The following MRPS27 variants were observed in gnomAD, a reference collection of about 807,000 sequenced individuals.
MRPS27 encodes small ribosomal subunit protein mS27.
A neutral mutation model predicts 48.9 loss-of-function variants in MRPS27; 43 were observed. The observed-to-expected ratio is 0.88, with a 90% confidence interval of 0.69 to 1.13. MRPS27 has a LOEUF of 1.13. Among genes scored for constraint, MRPS27 ranks in the 50% most tolerant of loss-of-function variants. The probability of loss-of-function intolerance (pLI) is 0.00; values close to 1 mark genes in which losing one functional copy is unlikely to be tolerated. For missense variants in MRPS27, 467 were observed against 476.3 expected (o/e 0.98, Z 0.18); for synonymous variants, 188 against 171.9 (o/e 1.09, Z -0.73).
intron 7 of MRPS27, among the ~76,000 whole-genome samples, chr5:72,232,047 A>G (rs1305168629): frequency 6.6e-6 from 1 of 152,172 alleles, no homozygotes; most frequent in African/African-American, 2.4e-5. Context: ...CCAAAACGGA[A>G]CTGCCCTAGA....
chr5:72,289,946 C>G (rs1436608409), intron 4 of MRPS27, among the ~76,000 whole-genome samples: 3 of 152,134 alleles, frequency 2.0e-5, no homozygotes, highest in Non-Finnish European at 4.4e-5. Flanking sequence ...TGCAAATATC[C>G]TCAGTGAAGA....
At chr5:72,262,873 C>T (rs1481723589) in intron 4 of MRPS27, among the ~76,000 whole-genome samples, 1 of 152,042 alleles carries the variant, frequency 6.6e-6, no homozygotes, top group African/African-American at 2.4e-5. Context: ...TGGGCTCAAA[C>T]GATCTTCCCG....
rs1266514581 is a variant in MRPS27 at position 72,219,466 on chromosome 5, T to G, written c.*1443A>C. 1 of 152,164 alleles carries G rather than the reference T, an allele frequency of 6.6e-6. No homozygotes were observed. Among genetic ancestry groups the G allele is most frequent in the Non-Finnish European group, 1.5e-5 (1 of 68,034 alleles). 9.4% of individuals were successfully genotyped at this position (152,164 alleles called of 1,614,324 possible). ...GTTTAAAGTACACTCCTCAAAATCA[T>G]AGTAACAATAATGAGTCCCTCTCCC... On this transcript the variant is annotated 3_prime_UTR_variant, in exon 11 of 11. Transcript: ENST00000261413.
chr5:72,263,961 A>G lies in MRPS27; in HGVS notation c.282-25833T>C, dbSNP rs142963156. On this transcript the variant is annotated intron_variant, in intron 4 of 10. Coordinates refer to ENST00000261413, the MANE Select transcript of MRPS27 (RefSeq NM_015084.3). ...GTACATGCATGTTCGTAGCAGCACT[A>G]TACACAATAGCCCAAAGATAGAAAC... is the stretch of plus-strand genomic sequence containing the variant. Among the ~76,000 whole-genome samples the G allele has an allele frequency of 4.0e-3, 602 of 152,316 alleles. 4 individuals carry two copies. The highest frequency in any genetic ancestry group is 5.9e-3 in the Non-Finnish European group (402 of 68,012).
intron 4 of MRPS27, among the ~76,000 whole-genome samples, chr5:72,238,410 T>C (rs947552614): frequency 6.6e-6 from 1 of 152,226 alleles, no homozygotes; most frequent in African/African-American, 2.4e-5. Flanking sequence ...AAAAATGATT[T>C]GGGAAAAATA....
chr5:72,308,116 A>G (rs1318094574), intron 2 of MRPS27, among the ~76,000 whole-genome samples: 1 of 152,014 alleles, frequency 6.6e-6, no homozygotes, highest in Admixed American at 6.5e-5. Flanking sequence ...CGCAGGTCCT[A>G]GACAGCTGCA....
intron 4 of MRPS27, among the ~76,000 whole-genome samples, chr5:72,264,833 A>C (rs889230989): frequency 6.6e-6 from 1 of 152,208 alleles, no homozygotes; most frequent in African/African-American, 2.4e-5. Context: ...TGAAAGAATA[A>C]ATTCTGCTGT....
At chr5:72,231,338 G>A (rs529174334) in intron 7 of MRPS27, among the ~76,000 whole-genome samples, 2 of 152,172 alleles carry the variant, frequency 1.3e-5, no homozygotes, top group African/African-American at 4.8e-5. Flanking sequence ...TCCTTCAATA[G>A]TAACCTAAGA....
intron 4 of MRPS27, chr5:72,288,877 GA>G (rs1749746901): frequency 6.6e-6 from 1 of 152,172 alleles, no homozygotes; most frequent in South Asian, 2.1e-4. Flanking sequence ...CTGCGTAAAC[GA>G]ATGCATGCTG....
chr5:72,304,469 G>A (rs1037970315), intron 2 of MRPS27, among the ~76,000 whole-genome samples: 3 of 151,998 alleles, frequency 2.0e-5, no homozygotes, highest in Middle Eastern at 3.2e-3. Flanking sequence ...ACACAGAAGA[G>A]TTGAAAATTA....
chr5:72,228,984 G>C (rs993749377), intron 7 of MRPS27: 3 of 152,198 alleles, frequency 2.0e-5, no homozygotes, highest in African/African-American at 7.2e-5. Flanking sequence ...AGTCTTTAGA[G>C]ACATGGGGGA....
intron 4 of MRPS27, among the ~76,000 whole-genome samples, chr5:72,287,364 G>C (rs924245106): frequency 4.6e-5 from 7 of 152,192 alleles, no homozygotes; most frequent in African/African-American, 1.7e-4. Context: ...AACAGGTTGG[G>C]TATGGTGGCT....
intron 4 of MRPS27, among the ~76,000 whole-genome samples, chr5:72,272,928 T>C (rs781321392): frequency 1.3e-5 from 2 of 152,150 alleles, no homozygotes; most frequent in Non-Finnish European, 2.9e-5. Context: ...TACATGAGTA[T>C]ATATACTATT....
intron 4 of MRPS27, chr5:72,241,501 G>A: frequency 2.8e-6 from 2 of 717,342 alleles, no homozygotes; most frequent in South Asian, 1.8e-5. Context: ...CAAAACACTG[G>A]GCCAGCGGGG....
intron 4 of MRPS27, among the ~76,000 whole-genome samples, chr5:72,265,161 G>A (rs1005530355): frequency 6.6e-6 from 1 of 152,156 alleles, no homozygotes; most frequent in Admixed American, 6.5e-5. Flanking sequence ...GTTTTTATTA[G>A]ACAAGGTTTC....
intron 4 of MRPS27, among the ~76,000 whole-genome samples, chr5:72,273,589 A>T (rs1473579439): frequency 6.6e-6 from 1 of 152,218 alleles, no homozygotes; most frequent in African/African-American, 2.4e-5. Context: ...TACTGTAGGC[A>T]ACTGTAACAC....
intron 7 of MRPS27, among the ~76,000 whole-genome samples, chr5:72,232,043 C>T (rs1185370263): frequency 4.6e-5 from 7 of 152,160 alleles, no homozygotes; most frequent in Non-Finnish European, 7.4e-5. Context: ...CTTTCCAAAA[C>T]GGAACTGCCC....
chr5:72,260,267 T>C (rs912513224), intron 4 of MRPS27, among the ~76,000 whole-genome samples: 3 of 152,230 alleles, frequency 2.0e-5, no homozygotes, highest in Admixed American at 6.5e-5. Flanking sequence ...TATTTCCTTA[T>C]TGAATTTTCA....
At position 72,221,122 on chromosome 5, in the gene MRPS27, C is replaced by T. The variant is rs1489409109; in HGVS notation, c.1032G>A (p.Leu344=). The part of the protein sequence containing the change: ...FKALHSKLQA[L]GKIESEGLLS... ...AAAGACCTTCTGACTCAATTTTGCC[C>T]AGAGCTTGAAGCTTAGAATGTAAGG... Residue 344 remains leucine (L), a synonymous_variant, in exon 11 of 11, where the codon CTG becomes CTA. Transcript: ENST00000261413. The T allele has an allele frequency of 1.2e-6, 2 of 1,613,940 alleles. No homozygotes were observed. Among genetic ancestry groups the T allele is most frequent in the African/African-American group, 2.7e-5 (2 of 74,900 alleles).
Sources: gnomAD v4.1 joint callset for allele counts (sites outside exome capture counted in the v4.1 genomes callset) on GRCh38, gnomAD v4.1.1 for gene constraint, MANE v1.5 for transcripts, NCBI Gene and HGNC (gene_info 2026-07-23, HGNC 2026-07-21) for gene names.